Variants in ATAD5 observed in about 807,000 individuals in gnomAD.
ATAD5 encodes ATPase family AAA domain-containing protein 5.
A neutral mutation model predicts 176.9 loss-of-function variants in ATAD5; 58 were observed. The observed-to-expected ratio is 0.33, with a 90% CI of 0.27 to 0.41. ATAD5 has a LOEUF of 0.41. ATAD5 is among the 10% of genes least tolerant of loss of function. The pLI is 1.00. For missense variants in ATAD5, 1,789 were observed against 2,094.1 expected, an observed-to-expected ratio of 0.85 and a Z score of 2.84; for synonymous variants, 640 against 712.6, an observed-to-expected ratio of 0.90 and a Z score of 1.62.
intron 8 of ATAD5, 25 bp downstream of exon 8, chr17:30,857,137 T>G: frequency 6.3e-7 from 1 of 1,589,782 alleles, no homozygotes; most frequent in East Asian, 2.3e-5. Flanking sequence ...GTTCATCCAT[T>G]GTAGAGTGTT....
intron 7 of ATAD5, among the ~76,000 whole-genome samples, chr17:30,856,517 C>G (rs772997403): frequency 6.6e-6 from 1 of 152,018 alleles, no homozygotes; most frequent in Non-Finnish European, 1.5e-5. Flanking sequence ...GATGAGATCT[C>G]AGCTCACTGC....
At chr17:30,870,564 T>C (rs1325078571) in intron 14 of ATAD5, among the ~76,000 whole-genome samples, 1 of 152,198 alleles carries the variant, frequency 6.6e-6, no homozygotes, top group East Asian at 1.9e-4. Flanking sequence ...TAATTCTCTT[T>C]TTTGCATTTA....
chr17:30,890,167 G>A (rs902667089), intron 19 of ATAD5, among the ~76,000 whole-genome samples: 14 of 151,646 alleles, frequency 9.2e-5, no homozygotes, highest in Non-Finnish European at 8.8e-5. Context: ...GGGATTATAG[G>A]CATGAGCCAC....
chr17:30,895,007 C>T lies in ATAD5; in HGVS notation c.*94C>T, dbSNP rs189060490. On this transcript the variant is annotated 3_prime_UTR_variant, in exon 23 of 23. Transcript: ENST00000321990. ...GATCTTCATGGAAAAGTATATTTCT[C>T]GATGTACATTTTAAACAAACAATTT... 2.5e-5 allele frequency: 19 copies of T among 760,090 alleles called. No individual in the cohort carries two copies. In the East Asian group the frequency reaches 4.0e-4, roughly 16 times the overall value. The allele number at this position is 760,090 out of a possible 1,614,324, so 47.1% of individuals were successfully genotyped here.
chr17:30,851,458 T>C (rs1325903595), intron 6 of ATAD5, among the ~76,000 whole-genome samples: 5 of 145,958 alleles, frequency 3.4e-5, no homozygotes, highest in Admixed American at 1.4e-4. Context: ...ATCCCGCCAC[T>C]GCACTCCAGC....
intron 18 of ATAD5, among the ~76,000 whole-genome samples, chr17:30,886,008 TTATC>T (rs1333858175): frequency 1.3e-5 from 2 of 152,156 alleles, no homozygotes; most frequent in Admixed American, 6.6e-5. Context: ...TTTTCTACTT[TTATC>T]TATCTCTATG....
chr17:30,834,844 G>A lies in ATAD5; in HGVS notation c.763G>A (p.Ala255Thr), dbSNP rs1905610588. 6.2e-7 allele frequency: 1 copy of A among 1,613,286 alleles called. No homozygotes were observed. Among genetic ancestry groups the A allele is most frequent in the African/African-American group, 1.3e-5 (1 of 74,884 alleles). ...HANSRDNVTEAAQLNDSIITV... is the reference protein window; with the variant it reads ...HANSRDNVTETAQLNDSIITV... ...AAACTCTAGAGATAACGTAACTGAA[G>A]CAGCCCAGTTAAATGATAGTATAAT... The change falls in exon 2 of 23, where the codon GCA becomes ACA. Residue 255 changes from alanine (A) to threonine (T), a missense_variant. By Grantham distance (58) the Ala-to-Thr change is moderately conservative. This residue lies in a region of ATAD5 where 696 missense variants were observed against 712.5 expected (regional missense o/e 0.98). Transcript: ENST00000321990.
chr17:30,861,582 G>C (rs1011287876), intron 10 of ATAD5, among the ~76,000 whole-genome samples: 11 of 151,852 alleles, frequency 7.2e-5, no homozygotes, highest in Admixed American at 2.0e-4. Flanking sequence ...CCTGATCTCA[G>C]CTCACTGCAA....
At chr17:30,869,447 G>C (rs746135305) in intron 13 of ATAD5, 49 bp from the exon 14 acceptor site, 1 of 1,606,146 alleles carries the variant, frequency 6.2e-7, no homozygotes, top group East Asian at 2.2e-5. Flanking sequence ...TGGATTAAAA[G>C]GAAACATAAA....
In ATAD5 at chr17:30,869,452, C is replaced by T. The variant is rs142168640; in HGVS notation, c.3457-44C>T. 255 of 1,607,606 alleles carry T rather than the reference C, an allele frequency of 1.6e-4. No homozygotes were observed. In the East Asian group the frequency reaches 5.6e-3, roughly 35 times the overall value. ...TAATTACCCTTGGATTAAAAGGAAA[C>T]ATAAACCATTCTCCCTTCGTTTTTT... On this transcript the variant is annotated intron_variant, in intron 13 of 22. Transcript: ENST00000321990.
intron 11 of ATAD5, among the ~76,000 whole-genome samples, chr17:30,866,730 G>A (rs1339815280): frequency 6.6e-6 from 1 of 151,916 alleles, no homozygotes. Context: ...CATGAGAATC[G>A]CCTGAACCCG....
Position 30,893,906 on chromosome 17 carries a change from A to T in ATAD5, c.5053A>T (p.Thr1685Ser). The T allele has an allele frequency of 6.2e-7, 1 of 1,614,088 alleles. No individual in the cohort carries two copies. The highest frequency in any genetic ancestry group is 8.5e-7 in the Non-Finnish European group (1 of 1,179,940). Residue 1685 changes from threonine to serine, a missense_variant, in exon 21 of 23, where the codon ACA becomes TCA. Around this residue, in one of 6 missense-constraint regions of ATAD5, gnomAD observed 403 missense variants for 495.1 expected, o/e 0.81. Coordinates refer to ENST00000321990, the MANE Select transcript of ATAD5 (RefSeq NM_024857.5). ...CTTTAGTTGGACAAATGGAAAGGTTACAAGTGGACTTTGTGATGAGTTTAG... is the reference window on the plus strand; with the variant it reads ...CTTTAGTTGGACAAATGGAAAGGTTTCAAGTGGACTTTGTGATGAGTTTAG... ...NDFSWTNGKV[T>S]SGLCDEFSLE...
chr17:30,882,083 C>T (rs939022778), intron 18 of ATAD5, among the ~76,000 whole-genome samples: 7 of 151,852 alleles, frequency 4.6e-5, no homozygotes, highest in African/African-American at 1.7e-4. Context: ...ATTGAGAAAC[C>T]CCGTGTCTAC....
chr17:30,885,859 T>A (rs189166582), intron 18 of ATAD5, among the ~76,000 whole-genome samples: 3 of 151,914 alleles, frequency 2.0e-5, no homozygotes, highest in Admixed American at 2.0e-4. Flanking sequence ...GGTCTTGAAC[T>A]CCCGCCTCGC....
intron 19 of ATAD5, among the ~76,000 whole-genome samples, chr17:30,890,410 CTTCTT>C (rs1309805250): frequency 2.9e-5 from 4 of 139,422 alleles, no homozygotes; most frequent in African/African-American, 5.3e-5. Flanking sequence ...CATAATTTCT[CTTCTT>C]TTCTTTTTTT....
intron 18 of ATAD5, among the ~76,000 whole-genome samples, chr17:30,884,576 G>A (rs1356378962): frequency 2.2e-5 from 3 of 139,210 alleles, no homozygotes; most frequent in African/African-American, 2.7e-5. Context: ...CTACAGGCAC[G>A]TGCCACCATG....
chr17:30,858,102 G>A, intron 8 of ATAD5, 59 bp from the exon 9 acceptor site: 1 of 1,347,132 alleles, frequency 7.4e-7, no homozygotes, highest in Non-Finnish European at 9.8e-7. Flanking sequence ...TGGTAGTATT[G>A]TAATTAACAT....
At position 30,893,794 on chromosome 17, in the gene ATAD5, TTCTC is replaced by T; in HGVS notation, c.4947_4950del (p.Glu1651SerfsTer8). ...CTGCCCTTGTTTCTCATTGTTTAAA[TTCTC>T]TCTCTGAGTTCATGGATAACATGTC... On this transcript the variant is annotated frameshift_variant, in exon 21 of 23. Transcript: ENST00000321990. LOFTEE classifies it high-confidence loss of function. The T allele has an allele frequency of 6.2e-7, 1 of 1,614,110 alleles. No individual in the cohort carries two copies. Among genetic ancestry groups the T allele is most frequent in the Non-Finnish European group, 8.5e-7 (1 of 1,179,962 alleles).
At chr17:30,840,557 T>C (rs1906040573) in intron 3 of ATAD5, 60 bp from the exon 4 acceptor site, 5 of 1,153,094 alleles carry the variant, frequency 4.3e-6, no homozygotes, top group Non-Finnish European at 5.9e-6. Context: ...TATTTTTTTC[T>C]ATTATTAAAT....
Sources: gnomAD v4.1 joint callset for allele counts (sites outside exome capture counted in the v4.1 genomes callset) on GRCh38, gnomAD v4.1.1 for gene constraint, gnomAD v4.1.1 regional missense constraint, MANE v1.5 for transcripts, NCBI Gene and HGNC (gene_info 2026-07-23, HGNC 2026-07-21) for gene names.